Variants in CHP1 observed in about 807,000 individuals in gnomAD.
The protein encoded by CHP1 is calcineurin like EF-hand protein 1.
A neutral mutation model predicts 27.4 loss-of-function variants in CHP1; 11 were observed. That is an observed-to-expected ratio of 0.40 (90% confidence interval 0.25 to 0.67). CHP1 has a LOEUF of 0.67. CHP1 is among the 30% of genes least tolerant of loss of function. The pLI is 0.38. For missense variants in CHP1, 169 were observed against 251.3 expected (o/e 0.67, Z 2.22); for synonymous variants, 89 against 87.4 (o/e 1.02, Z -0.10).
intron 5 of CHP1, among the ~76,000 whole-genome samples, chr15:41,272,577 T>C (rs1388898651): frequency 1.3e-5 from 2 of 151,618 alleles, no homozygotes; most frequent in East Asian, 3.9e-4. Context: ...TGCACCACCA[T>C]ACCCAGCTAA....
chr15:41,278,392 G>A (rs747720747), intron 5 of CHP1, among the ~76,000 whole-genome samples: 1 of 151,526 alleles, frequency 6.6e-6, no homozygotes, highest in Non-Finnish European at 1.5e-5. Context: ...TACATATGCA[G>A]GTTAGTTATG....
chr15:41,237,336 C>T (rs575087381), intron 1 of CHP1, among the ~76,000 whole-genome samples: 4 of 148,820 alleles, frequency 2.7e-5, no homozygotes, highest in East Asian at 2.0e-4. Flanking sequence ...TTAGTAGATA[C>T]GAGGTTTTAC....
At chr15:41,246,600 G>A (rs945121166) in intron 2 of CHP1, among the ~76,000 whole-genome samples, 9 of 146,866 alleles carry the variant, frequency 6.1e-5, no homozygotes, top group Non-Finnish European at 1.2e-4. Flanking sequence ...TTAAAGGTGC[G>A]AGCCACCGTG....
At position 41,281,294 on chromosome 15, in the gene CHP1, G is replaced by A. The variant is rs892574782; in HGVS notation, c.*1905G>A. On this transcript the variant is annotated 3_prime_UTR_variant, in exon 7 of 7. Coordinates refer to ENST00000334660, the MANE Select transcript of CHP1 (RefSeq NM_007236.5). Reference sequence around the variant, plus strand: ...CATTAGCTCCCTGGCTTCTTGTTTAGACCACTGCTAATCCCTTAAAAACAA... The same window carrying A: ...CATTAGCTCCCTGGCTTCTTGTTTAAACCACTGCTAATCCCTTAAAAACAA... 1.3e-5 allele frequency: 2 copies of A among 152,502 alleles called. No homozygotes were observed. The highest frequency in any genetic ancestry group is 2.9e-5 in the Non-Finnish European group (2 of 68,058). The allele number at this position is 152,502 out of a possible 1,614,324, so 9.4% of individuals were successfully genotyped here.
chr15:41,274,735 A>G (rs1339094728), intron 5 of CHP1, among the ~76,000 whole-genome samples: 1 of 151,204 alleles, frequency 6.6e-6, no homozygotes, highest in Non-Finnish European at 1.5e-5. Context: ...TTGGCAACAC[A>G]CAGGGAATGT....
At chr15:41,243,057 G>T (rs1318271183) in intron 1 of CHP1, among the ~76,000 whole-genome samples, 2 of 150,182 alleles carry the variant, frequency 1.3e-5, no homozygotes, top group African/African-American at 4.9e-5. Flanking sequence ...AACTAAATTT[G>T]GGCTGGGCAT....
chr15:41,255,827 C>A (rs1292492688), intron 2 of CHP1, among the ~76,000 whole-genome samples: 1 of 152,100 alleles, frequency 6.6e-6, no homozygotes, highest in Non-Finnish European at 1.5e-5. Flanking sequence ...ACCAGCCTGG[C>A]CAACATGGTG....
intron 2 of CHP1, among the ~76,000 whole-genome samples, chr15:41,245,844 T>C (rs2047331789): frequency 6.6e-6 from 1 of 152,218 alleles, no homozygotes; most frequent in African/African-American, 2.4e-5. Flanking sequence ...TTTCAGTGCT[T>C]GTGCTTTTGG....
intron 5 of CHP1, among the ~76,000 whole-genome samples, chr15:41,272,949 C>G (rs1003406641): frequency 6.6e-6 from 1 of 151,686 alleles, no homozygotes; most frequent in African/African-American, 2.4e-5. Context: ...CCCAGTTACT[C>G]GGGAGGCTGA....
chr15:41,268,594 A>T (rs946694152), intron 4 of CHP1, among the ~76,000 whole-genome samples: 1 of 150,488 alleles, frequency 6.6e-6, no homozygotes, highest in Non-Finnish European at 1.5e-5. Flanking sequence ...GTGAACCGAG[A>T]TCATGCCACT....
intron 2 of CHP1, among the ~76,000 whole-genome samples, chr15:41,254,553 A>C (rs7178685): frequency 0.032 from 4,843 of 152,344 alleles, 280 homozygotes; most frequent in African/African-American, 0.11. Flanking sequence ...CTCTTTCATC[A>C]TCTTAAGCAA....
chr15:41,263,403 C>T (rs1280443212), intron 4 of CHP1, among the ~76,000 whole-genome samples: 2 of 152,172 alleles, frequency 1.3e-5, no homozygotes, highest in African/African-American at 2.4e-5. Flanking sequence ...GGATACAGTG[C>T]AAGATTTAAT....
chr15:41,277,837 A>G (rs2047527163), intron 5 of CHP1, among the ~76,000 whole-genome samples: 1 of 151,170 alleles, frequency 6.6e-6, no homozygotes, highest in African/African-American at 2.4e-5. Flanking sequence ...GTAGTGTAGT[A>G]CCAGTTCCTT....
intron 5 of CHP1, among the ~76,000 whole-genome samples, chr15:41,276,865 C>T (rs906656653): frequency 1.3e-5 from 2 of 152,202 alleles, no homozygotes; most frequent in Admixed American, 1.3e-4. Flanking sequence ...CAGGCTGGTA[C>T]AGTACCTAAC....
chr15:41,243,903 T>C (rs1185446778), intron 2 of CHP1, among the ~76,000 whole-genome samples, 164 bp downstream of exon 2: 1 of 152,086 alleles, frequency 6.6e-6, no homozygotes, highest in Non-Finnish European at 1.5e-5. Context: ...CACAAGAGAA[T>C]TAAATCAGCA....
At chr15:41,252,806 A>G (rs2047376637) in intron 2 of CHP1, among the ~76,000 whole-genome samples, 1 of 151,764 alleles carries the variant, frequency 6.6e-6, no homozygotes, top group Admixed American at 6.6e-5. Flanking sequence ...ATTGACTACT[A>G]CCAGTGATAC....
intron 6 of CHP1, 72 bp from the exon 7 acceptor site, chr15:41,279,262 CAT>C: frequency 3.4e-6 from 4 of 1,173,994 alleles, no homozygotes; most frequent in Non-Finnish European, 5.1e-6. Context: ...GGGGGGAAAA[CAT>C]TACTCAGATA....
At chr15:41,265,583 C>T (rs1185867667) in intron 4 of CHP1, among the ~76,000 whole-genome samples, 3 of 150,540 alleles carry the variant, frequency 2.0e-5, no homozygotes, top group African/African-American at 4.9e-5. Context: ...TGGTGGCGGG[C>T]GCCTGTAATC....
chr15:41,239,933 C>T (rs1298833910), intron 1 of CHP1, among the ~76,000 whole-genome samples: 4 of 151,962 alleles, frequency 2.6e-5, no homozygotes, highest in Admixed American at 6.6e-5. Flanking sequence ...CCTGCCACCA[C>T]GCCCGTCTAA....
Sources: gnomAD v4.1 joint callset for allele counts (sites outside exome capture counted in the v4.1 genomes callset) on GRCh38, gnomAD v4.1.1 for gene constraint, MANE v1.5 for transcripts, NCBI Gene and HGNC (gene_info 2026-07-23, HGNC 2026-07-21) for gene names.